The following WDR64 variants were observed in gnomAD, a reference collection of about 807,000 sequenced individuals.
WDR64 encodes WD repeat domain 64, also known as WD repeat-containing protein 64.
WDR64 carries 112 observed loss-of-function variants against 139.3 expected under a neutral mutation model. The observed-to-expected ratio is 0.80, with a 90% confidence interval of 0.69 to 0.94. The LOEUF (loss-of-function observed/expected upper bound fraction) is 0.94, where lower values mean the gene tolerates loss of function less well. WDR64 is among the 40% of genes least tolerant of loss of function. The pLI is 0.00. For synonymous variants in WDR64, 444 were observed against 437.7 expected (o/e 1.01, Z -0.18); for missense variants, 1,206 against 1,293.1 (o/e 0.93, Z 1.03).
At chr1:241,695,205 T>C (rs141390991) in intron 8 of WDR64, among the ~76,000 whole-genome samples, 1 of 152,314 alleles carries the variant, frequency 6.6e-6, no homozygotes, top group East Asian at 1.9e-4. Flanking sequence ...CAGTAAATAC[T>C]CAAAATACGT....
intron 9 of WDR64, among the ~76,000 whole-genome samples, chr1:241,717,388 TTC>T (rs908811922): frequency 3.9e-5 from 6 of 152,048 alleles, no homozygotes; most frequent in African/African-American, 1.2e-4. Context: ...ACTGAATCAG[TTC>T]TCTTTGCACC....
At position 241,766,290 on chromosome 1, in the gene WDR64, G is replaced by C. The variant is rs1658163836; in HGVS notation, c.2020G>C (p.Ala674Pro). The C allele has an allele frequency of 2.5e-5, 40 of 1,614,014 alleles. 1 individual carries two copies. Among genetic ancestry groups the C allele is most frequent in the Non-Finnish European group, 3.2e-5 (38 of 1,180,022 alleles). ...LQVEGYNLIA[A>P]GTLNGVIILW... The stretch of plus-strand genomic sequence containing the variant: ...AGTAGAAGGATATAATTTGATAGCA[G>C]CTGGAACCTTAAATGGTGTGATCAT... The change falls in exon 16 of 28, where the codon GCT (alanine) becomes CCT (proline). Residue 674 changes from alanine to proline, a missense_variant. By Grantham distance (27) the Ala-to-Pro change is conservative. Coordinates refer to ENST00000437684, the MANE Select transcript of WDR64 (RefSeq NM_001367482.1).
At chr1:241,724,364 T>C (rs1363510576) in intron 10 of WDR64, among the ~76,000 whole-genome samples, 1 of 152,114 alleles carries the variant, frequency 6.6e-6, no homozygotes, top group African/African-American at 2.4e-5. Flanking sequence ...TATTAAAGCA[T>C]ATCATAAAGC....
chr1:241,701,501 A>G (rs968763015), intron 8 of WDR64, among the ~76,000 whole-genome samples: 4 of 152,212 alleles, frequency 2.6e-5, no homozygotes, highest in African/African-American at 9.6e-5. Context: ...TTTCTGATTA[A>G]CCAGTGCAAT....
chr1:241,735,527 C>CCCT (rs1326308180), intron 10 of WDR64, among the ~76,000 whole-genome samples: 3 of 104,526 alleles, frequency 2.9e-5, no homozygotes, highest in African/African-American at 1.2e-4. Context: ...CTCTCTCTCT[C>CCCT]TCTCTCTTTT....
At position 241,782,639 on chromosome 1, in the gene WDR64, G is replaced by A. The variant is rs1334117403; in HGVS notation, c.2596-633G>A. Among the ~76,000 whole-genome samples the A allele has an allele frequency of 2.6e-5, 4 of 152,152 alleles. No individual in the cohort carries two copies. The East Asian group carries it at 7.7e-4, about 29-fold the overall frequency. Reference sequence around the variant, plus strand: ...GCCCACGAGAGGCCCTAAACTTGAGGATAGCCACACCCTGAAGAAACATAA... The same window carrying A: ...GCCCACGAGAGGCCCTAAACTTGAGAATAGCCACACCCTGAAGAAACATAA... On this transcript the variant is annotated intron_variant, in intron 22 of 27. Transcript: ENST00000437684.
chr1:241,755,028 G>A (rs914320491), intron 14 of WDR64, among the ~76,000 whole-genome samples: 2 of 152,126 alleles, frequency 1.3e-5, no homozygotes, highest in African/African-American at 4.8e-5. Flanking sequence ...CTGCAATAAA[G>A]ATAGGTGTGC....
intron 15 of WDR64, among the ~76,000 whole-genome samples, chr1:241,762,621 T>G (rs1349112871): frequency 1.3e-5 from 2 of 152,158 alleles, no homozygotes; most frequent in Non-Finnish European, 2.9e-5. Context: ...TTTAGAGAGA[T>G]AAGTGGTCAG....
rs545511160 is a variant in WDR64, at chr1:241,770,720, C to G, written c.2253+30C>G. ...GCAAGACACAGACAGGGTCTGTCTT[C>G]CTGTCATACTCAATGTTGGTTCAAA... On this transcript the variant is annotated intron_variant, in intron 18 of 27. Transcript: ENST00000437684. 7.1e-6 allele frequency: 11 copies of G among 1,542,274 alleles called. No individual in the cohort carries two copies. In the East Asian group the frequency reaches 2.7e-4, roughly 38 times the overall value.
intron 24 of WDR64, among the ~76,000 whole-genome samples, chr1:241,789,842 T>C (rs138363481): frequency 7.2e-5 from 11 of 152,266 alleles, no homozygotes; most frequent in Admixed American, 5.2e-4. Context: ...GACACAAGTT[T>C]ACCGAAATAA....
Position 241,769,491 on chromosome 1 carries a change from C to A in WDR64, c.2169C>A (p.Thr723=), listed in dbSNP as rs747482862. 3.9e-6 allele frequency: 6 copies of A among 1,551,110 alleles called. No individual in the cohort carries two copies. The Admixed American group carries it at 9.8e-5, about 25-fold the overall frequency. ...ATGACATACTGTTCCTCTTTCGTAC[C>A]CCTGAATGTGCAAGGTAACTCGTTA... ...KINDILFLFR[T]PECARRSSQD... The change falls in exon 17 of 28, where the codon ACC becomes ACA. Residue 723 remains threonine, a synonymous_variant. Transcript: ENST00000437684.
At chr1:241,686,594 G>T (rs1667013378) in intron 7 of WDR64, among the ~76,000 whole-genome samples, 1 of 152,120 alleles carries the variant, frequency 6.6e-6, no homozygotes, top group Non-Finnish European at 1.5e-5. Context: ...ATTAAATATT[G>T]GTAAATATAA....
chr1:241,678,053 A>C (rs1269940391), intron 4 of WDR64, 134 bp from the exon 5 acceptor site: 2 of 395,892 alleles, frequency 5.1e-6, no homozygotes, highest in Non-Finnish European at 8.9e-6. Flanking sequence ...AAGGAGAAAC[A>C]GGGAGGAGAC....
intron 8 of WDR64, among the ~76,000 whole-genome samples, chr1:241,696,729 C>G (rs564440786): frequency 6.6e-6 from 1 of 152,214 alleles, no homozygotes; most frequent in African/African-American, 2.4e-5. Flanking sequence ...GTGAGGATGA[C>G]CAGAGGTCAC....
Position 241,766,288 on chromosome 1 carries a change from C to T in WDR64, c.2018C>T (p.Ala673Val), listed in dbSNP as rs145632789. The T allele has an allele frequency of 7.9e-5, 127 of 1,614,096 alleles. 1 individual carries two copies. The African/African-American group carries it at 1.4e-3, about 18-fold the overall frequency. Residue 673 changes from alanine to valine, a missense_variant, in exon 16 of 28, where the codon GCA becomes GTA. Physicochemically the swap from Ala to Val is moderately conservative, Grantham distance 64. Transcript: ENST00000437684. ...CAAGTAGAAGGATATAATTTGATAG[C>T]AGCTGGAACCTTAAATGGTGTGATC... ...LLQVEGYNLI[A>V]AGTLNGVIIL...
chr1:241,796,356 G>T lies in WDR64; in HGVS notation c.3178G>T (p.Val1060Phe). 1 of 1,612,388 alleles carries T rather than the reference G, an allele frequency of 6.2e-7. No homozygotes were observed. Among genetic ancestry groups the T allele is most frequent in the African/African-American group, 1.3e-5 (1 of 74,954 alleles). ...TACAGGAAAGAAGAAGGGAGGTCAT[G>T]TTCAACGTGAAAAAGTAAGTTAGTA... The part of the protein sequence containing the change: ...GITGKKKGGH[V>F]QREKAPRRRS... Residue 1060 changes from valine to phenylalanine, a missense_variant, in exon 27 of 28, where the codon GTT (valine) becomes TTT (phenylalanine). Coordinates refer to ENST00000437684, the MANE Select transcript of WDR64 (RefSeq NM_001367482.1).
rs1384095010 is a variant in WDR64, at chr1:241,683,636, A to T, written c.774A>T (p.Gly258=). 13 of 1,551,588 alleles carry T rather than the reference A, an allele frequency of 8.4e-6. No homozygotes were observed. In the East Asian group the frequency reaches 3.2e-4, roughly 38 times the overall value. ...NRFTVNSDDF[G]IKQAKSKRKL... is the part of the protein sequence containing the mutation. ...TCACAGTCAACAGTGATGACTTTGGAATAAAGCAGGCAAAATCCAAAAGAA... is the reference window on the plus strand; with the variant it reads ...TCACAGTCAACAGTGATGACTTTGGTATAAAGCAGGCAAAATCCAAAAGAA... The change falls in exon 7 of 28, where the codon GGA becomes GGT. Residue 258 remains glycine (G), a synonymous_variant. Transcript: ENST00000437684.
chr1:241,675,032 CCTCCTTCTTCT>C, intron 4 of WDR64, among the ~76,000 whole-genome samples: 1 of 30,750 alleles, frequency 3.3e-5, no homozygotes, highest in Admixed American at 2.9e-4. Flanking sequence ...TCCTTCCCTC[CCTCCTTCTTCT>C]TTCCTTCCTT....
intron 9 of WDR64, among the ~76,000 whole-genome samples, chr1:241,717,937 C>T (rs1014679158): frequency 1.3e-5 from 2 of 152,142 alleles, no homozygotes; most frequent in African/African-American, 2.4e-5. Context: ...ACATTTACAA[C>T]TCCACTCAAT....
Sources: gnomAD v4.1 joint callset for allele counts (sites outside exome capture counted in the v4.1 genomes callset) on GRCh38, gnomAD v4.1.1 for gene constraint, MANE v1.5 for transcripts, NCBI Gene and HGNC (gene_info 2026-07-23, HGNC 2026-07-21) for gene names.